GON4L: variants seen among roughly 807,000 people sequenced by gnomAD.
GON4L encodes gon-4 like, also known as GON-4-like protein.
GON4L carries 87 observed loss-of-function variants against 211.8 expected under a neutral mutation model. The observed-to-expected ratio is 0.41, with a 90% CI of 0.35 to 0.49. The LOEUF is 0.49. Among genes scored for constraint, GON4L ranks in the 20% least tolerant of loss-of-function variants. GON4L has a pLI of 0.15. For missense variants in GON4L, 2,155 were observed against 2,659.5 expected, an observed-to-expected ratio of 0.81 and a Z score of 4.17; for synonymous variants, 875 against 962.6, an observed-to-expected ratio of 0.91 and a Z score of 1.68.
chr1:155,804,982 C>T lies in GON4L; in HGVS notation c.1612G>A (p.Gly538Arg), dbSNP rs1424073309. The change falls in exon 11 of 32, where the codon GGG (glycine) becomes AGG (arginine). Residue 538 changes from glycine to arginine, a missense_variant. By Grantham distance (125) the Gly-to-Arg change is moderately radical. This residue lies in a region of GON4L where 551 missense variants were observed against 854.0 expected (regional missense o/e 0.65). Transcript: ENST00000368331. ...CCCACATCATCATTCATAAGTCCCCCCAGCCACATCTTCCAGTCCTCATCA... is the reference window on the plus strand; with the variant it reads ...CCCACATCATCATTCATAAGTCCCCTCAGCCACATCTTCCAGTCCTCATCA... ...ADDEDWKMWL[G>R]GLMNDDVGNE... The T allele has an allele frequency of 5.0e-6, 8 of 1,613,960 alleles. No homozygotes were observed. Among genetic ancestry groups the T allele is most frequent in the Non-Finnish European group, 6.8e-6 (8 of 1,179,908 alleles).
At chr1:155,827,884 C>T (rs979915437) in intron 2 of GON4L, among the ~76,000 whole-genome samples, 4 of 152,072 alleles carry the variant, frequency 2.6e-5, no homozygotes, top group Non-Finnish European at 5.9e-5. Context: ...TGGCTCACAC[C>T]TGTAATCCCA....
At chr1:155,763,707 A>G (rs928082788) in intron 21 of GON4L, 143 bp from the exon 22 acceptor site, 1 of 763,628 alleles carries the variant, frequency 1.3e-6, no homozygotes, top group Non-Finnish European at 2.1e-6. Context: ...TTGAGTTATG[A>G]AATCCCAGCA....
chr1:155,751,709 C>T, intron 31 of GON4L, 58 bp downstream of exon 31: 5 of 1,147,078 alleles, frequency 4.4e-6, no homozygotes, highest in South Asian at 1.3e-5. Flanking sequence ...GCCTTTCTGT[C>T]TGTTAGTTGG....
rs902717768 is a variant in GON4L, at chr1:155,807,103, A to C, written c.1453-1962T>G. ...AAGAGAGACATCTCAAAAAAAAAAA[A>C]AAAACAGGGCCAGGCACAGAGGCTC... On this transcript the variant is annotated intron_variant, in intron 10 of 31. Transcript: ENST00000368331. Among the ~76,000 whole-genome samples the C allele has an allele frequency of 6.4e-4, 97 of 151,914 alleles. 2 individuals are homozygous for C. The highest frequency in any genetic ancestry group is 2.3e-3 in the African/African-American group (96 of 41,464).
At chr1:155,848,396 A>G (rs1038510391) in intron 2 of GON4L, among the ~76,000 whole-genome samples, 4 of 152,186 alleles carry the variant, frequency 2.6e-5, no homozygotes, top group Non-Finnish European at 4.4e-5. Flanking sequence ...TAATGTGTCT[A>G]TGGTGTACCC....
intron 13 of GON4L, 142 bp downstream of exon 13, chr1:155,785,192 T>G (rs773934676): frequency 2.6e-6 from 2 of 758,552 alleles, no homozygotes; most frequent in Non-Finnish European, 4.9e-6. Flanking sequence ...CTTGTCATTA[T>G]ATTCTTTCCC....
At chr1:155,763,927 C>T (rs915787043) in intron 21 of GON4L, among the ~76,000 whole-genome samples, 1 of 150,700 alleles carries the variant, frequency 6.6e-6, no homozygotes, top group Non-Finnish European at 1.5e-5. Flanking sequence ...TGCTTGAACC[C>T]GGGAGGTGGA....
chr1:155,751,056 G>A (rs1417131216), intron 31 of GON4L, among the ~76,000 whole-genome samples: 3 of 152,096 alleles, frequency 2.0e-5, no homozygotes, highest in Non-Finnish European at 4.4e-5. Flanking sequence ...GAACCACTGC[G>A]CCCAGCCTCA....
intron 2 of GON4L, among the ~76,000 whole-genome samples, chr1:155,850,054 T>G (rs1157887388): frequency 6.6e-6 from 1 of 151,180 alleles, no homozygotes; most frequent in East Asian, 1.9e-4. Context: ...AAAACCTTCA[T>G]TTCTCCTTTC....
chr1:155,789,085 G>GAAA (rs10634121), intron 12 of GON4L, among the ~76,000 whole-genome samples: 6 of 111,354 alleles, frequency 5.4e-5, no homozygotes, highest in African/African-American at 2.0e-4. Flanking sequence ...CTCCGTCTCG[G>GAAA]AAAAAAAAAA....
intron 2 of GON4L, among the ~76,000 whole-genome samples, chr1:155,828,586 C>T (rs1669439663): frequency 3.3e-5 from 5 of 151,532 alleles, no homozygotes; most frequent in African/African-American, 1.2e-4. Context: ...ATGGGTGGAT[C>T]ACTTGAGGTC....
At chr1:155,767,832 G>A (rs1003450688) in intron 19 of GON4L, among the ~76,000 whole-genome samples, 13 of 152,190 alleles carry the variant, frequency 8.5e-5, no homozygotes, top group Non-Finnish European at 1.8e-4. Context: ...TTAGGTCACA[G>A]AGAGAAAAGG....
At chr1:155,816,125 C>T in intron 7 of GON4L, 87 bp downstream of exon 7, 1 of 739,166 alleles carries the variant, frequency 1.4e-6, no homozygotes, top group Non-Finnish European at 2.4e-6. Context: ...AAAGATTGAT[C>T]AAGAAAAGTT....
intron 11 of GON4L, among the ~76,000 whole-genome samples, chr1:155,802,772 A>G (rs540013750): frequency 1.3e-5 from 2 of 152,330 alleles, no homozygotes; most frequent in South Asian, 4.1e-4. Flanking sequence ...CCTGGGCAAC[A>G]TGGCAAAACC....
chr1:155,837,008 A>C (rs1231267719), intron 2 of GON4L, among the ~76,000 whole-genome samples: 7 of 151,942 alleles, frequency 4.6e-5, no homozygotes, highest in Admixed American at 4.6e-4. Context: ...GGCCACCCCC[A>C]GGTTTTCAGC....
chr1:155,804,891 A>C, intron 11 of GON4L, 58 bp downstream of exon 11: 2 of 1,277,846 alleles, frequency 1.6e-6, no homozygotes, highest in South Asian at 1.2e-5. Flanking sequence ...TCCAAATACT[A>C]AAAATTTTAC....
downstream of GON4L, chr1:155,745,819 G>C: frequency 1.6e-6 from 1 of 616,314 alleles, no homozygotes; most frequent in African/African-American, 1.8e-5. Context: ...GCCCCGTGGA[G>C]CAGCGCAGTA....
At position 155,771,062 on chromosome 1, in the gene GON4L, C is replaced by T; in HGVS notation, c.2646+5G>A. 6.2e-7 allele frequency: 1 copy of T among 1,614,142 alleles called. No individual in the cohort carries two copies. Among genetic ancestry groups the T allele is most frequent in the Non-Finnish European group, 8.5e-7 (1 of 1,180,020 alleles). ...GCCCGGATGGCGCATGCAGGAAACA[C>T]TCACTTTAATGATGTTGTCAGGAGC... On this transcript the variant is annotated splice_donor_5th_base_variant and intron_variant, in intron 19 of 31. Coordinates refer to ENST00000368331, the MANE Select transcript of GON4L (RefSeq NM_001282860.2).
At chr1:155,805,692 CTTTT>C (rs565142517) in intron 10 of GON4L, among the ~76,000 whole-genome samples, 1 of 142,922 alleles carries the variant, frequency 7.0e-6, no homozygotes, top group African/African-American at 2.5e-5. Context: ...TCTATCAATA[CTTTT>C]TTTTTTTTTT....
Sources: allele counts gnomAD v4.1 joint callset (sites outside exome capture counted in the v4.1 genomes callset), GRCh38; gene constraint gnomAD v4.1.1; regional missense constraint gnomAD v4.1.1; transcripts MANE v1.5; gene names NCBI Gene and HGNC (gene_info 2026-07-23, HGNC 2026-07-21).